The following SCAI variants were observed in gnomAD, a reference collection of about 807,000 sequenced individuals.
SCAI encodes the protein suppressor of cancer cell invasion.
SCAI carries 24 observed loss-of-function variants against 92.2 expected under a neutral mutation model. The ratio of observed to expected loss-of-function variants is 0.26; its 90% CI spans 0.19 to 0.37. The LOEUF is 0.37. Among genes scored for constraint, SCAI ranks in the 10% least tolerant of loss-of-function variants. The pLI is 1.00. For missense variants in SCAI, 450 were observed against 736.2 expected (o/e 0.61, Z 4.50); for synonymous variants, 261 against 258.6 (o/e 1.01, Z -0.09).
At chr9:125,047,830 T>C (rs1411067794) in intron 3 of SCAI, among the ~76,000 whole-genome samples, 1 of 152,232 alleles carries the variant, frequency 6.6e-6, no homozygotes, top group Non-Finnish European at 1.5e-5. Flanking sequence ...TCTCTATCGA[T>C]TTATGATGAA....
At chr9:125,132,564 C>T (rs1835425263) in intron 2 of SCAI, among the ~76,000 whole-genome samples, 1 of 152,122 alleles carries the variant, frequency 6.6e-6, no homozygotes, top group African/African-American at 2.4e-5. Context: ...TATTTTTAAC[C>T]GCCTGGTTAA....
At position 125,072,936 on chromosome 9, in the gene SCAI, CTGA is replaced by C. The variant is rs1054464511; in HGVS notation, c.99-16932_99-16930del. ...CATATTTTGCTTCTCCATTCATCCA[CTGA>C]TGGACACATGGGTTGCTGCCATGTT... is the stretch of plus-strand genomic sequence containing the variant. On this transcript the variant is annotated intron_variant, in intron 2 of 17. Coordinates refer to ENST00000336505, the MANE Select transcript of SCAI (RefSeq NM_001144877.3). 5.9e-5 allele frequency among the ~76,000 whole-genome samples: 9 copies of C among 152,158 alleles called. No homozygotes were observed. The South Asian group carries it at 1.7e-3, about 28-fold the overall frequency.
At chr9:125,035,423 A>C (rs1833174807) in intron 3 of SCAI, among the ~76,000 whole-genome samples, 2 of 152,280 alleles carry the variant, frequency 1.3e-5, no homozygotes, top group South Asian at 4.1e-4. Flanking sequence ...ACTAGTGGGA[A>C]TGAAAATTTA....
chr9:125,051,823 C>T lies in SCAI; in HGVS notation c.230+4053G>A, dbSNP rs375142596. On this transcript the variant is annotated intron_variant, in intron 3 of 17. Coordinates refer to ENST00000336505, the MANE Select transcript of SCAI (RefSeq NM_001144877.3). ...GTGGCTCATGCCTGTAATCCCAGAA[C>T]TTTGGGAGGCCAAGGCAGGCGGATC... is the stretch of plus-strand genomic sequence containing the variant. 1.1e-4 allele frequency among the ~76,000 whole-genome samples: 16 copies of T among 152,292 alleles called. No individual in the cohort carries two copies. The East Asian group carries it at 3.1e-3, about 29-fold the overall frequency.
At chr9:125,016,387 C>CAATAAATAAATAAATAAATA (rs77877356) in intron 9 of SCAI, among the ~76,000 whole-genome samples, 2 of 131,650 alleles carry the variant, frequency 1.5e-5, no homozygotes, top group Non-Finnish European at 3.2e-5. Flanking sequence ...GACTCTGTCT[C>CAATAAATAAATAAATAAATA]AATAAATAAA....
At position 125,084,158 on chromosome 9, in the gene SCAI, C is replaced by CTTTTTTTTTTTT. The variant is rs34786493; in HGVS notation, c.99-28163_99-28152dup. On this transcript the variant is annotated intron_variant, in intron 2 of 17. Coordinates refer to ENST00000336505, the MANE Select transcript of SCAI (RefSeq NM_001144877.3). ...ATATGAACAGGACTCTTGGCTGCTGCTTTTTTTTTTTTTTTTTTTTTTTTT... is the reference window on the plus strand; with the variant it reads ...ATATGAACAGGACTCTTGGCTGCTGCTTTTTTTTTTTTTTTTTTTTTTTTTTTTTTTTTTTTT... 8.4e-4 allele frequency among the ~76,000 whole-genome samples: 55 copies of CTTTTTTTTTTTT among 65,138 alleles called. 13 individuals are homozygous for CTTTTTTTTTTTT. Among genetic ancestry groups the CTTTTTTTTTTTT allele is most frequent in the African/African-American group, 1.0e-3 (16 of 15,266 alleles). The allele number at this position is 65,138 out of a possible 152,430, so 42.7% of individuals were successfully genotyped here.
At chr9:125,050,294 G>A (rs940684016) in intron 3 of SCAI, among the ~76,000 whole-genome samples, 9 of 152,076 alleles carry the variant, frequency 5.9e-5, no homozygotes, top group Admixed American at 5.2e-4. Context: ...GGCGCAGGGG[G>A]ATAGCAACCA....
At chr9:125,142,770 C>A (rs1369277569) in intron 1 of SCAI, 93 bp from the exon 2 acceptor site, 16 of 1,039,806 alleles carry the variant, frequency 1.5e-5, no homozygotes, top group Admixed American at 7.2e-5. Context: ...AAATAGACCA[C>A]CCTCTGGGAC....
At chr9:125,033,795 C>T (rs949067716) in intron 3 of SCAI, among the ~76,000 whole-genome samples, 4 of 152,124 alleles carry the variant, frequency 2.6e-5, no homozygotes, top group Admixed American at 6.5e-5. Context: ...AAGCAATACA[C>T]GATGGACTGA....
chr9:124,965,530 C>G (rs537728618), intron 17 of SCAI, among the ~76,000 whole-genome samples: 1 of 152,116 alleles, frequency 6.6e-6, no homozygotes. Flanking sequence ...CTACTGTGCC[C>G]GGCCTGTAAG....
chr9:125,141,847 G>T (rs984770947), intron 2 of SCAI, among the ~76,000 whole-genome samples: 10 of 152,074 alleles, frequency 6.6e-5, no homozygotes, highest in Non-Finnish European at 1.0e-4. Context: ...ATTCTCTTAG[G>T]GTTCTTTGAG....
At chr9:124,974,154 C>A (rs1437883746) in intron 15 of SCAI, 5 of 421,314 alleles carry the variant, frequency 1.2e-5, no homozygotes, top group Non-Finnish European at 2.3e-5. Flanking sequence ...ATAGTGCTAT[C>A]TCCAGTGCCC....
At chr9:124,986,162 G>A (rs148080667) in intron 14 of SCAI, among the ~76,000 whole-genome samples, 2,547 of 151,878 alleles carry the variant, frequency 0.017, 73 homozygotes, top group African/African-American at 0.059. Context: ...GTGGTGGCGG[G>A]CACCTGCAGT....
At chr9:124,976,565 C>T (rs952943963) in intron 14 of SCAI, among the ~76,000 whole-genome samples, 3 of 152,154 alleles carry the variant, frequency 2.0e-5, no homozygotes, top group Non-Finnish European at 4.4e-5. Flanking sequence ...GCTCCAAAAC[C>T]TGATTCCTGG....
chr9:125,119,263 G>A (rs1048089296), intron 2 of SCAI, among the ~76,000 whole-genome samples: 2 of 152,190 alleles, frequency 1.3e-5, no homozygotes, highest in Non-Finnish European at 2.9e-5. Flanking sequence ...TAGATCAACT[G>A]ATTTACAAAG....
intron 17 of SCAI, among the ~76,000 whole-genome samples, chr9:124,970,406 G>C (rs1047142539): frequency 6.6e-6 from 1 of 151,786 alleles, no homozygotes; most frequent in Admixed American, 6.6e-5. Context: ...AAACTACAAA[G>C]AAAAATGAAT....
intron 2 of SCAI, 26 bp from the exon 3 acceptor site, chr9:125,056,033 T>C (rs768578642): frequency 1.3e-5 from 20 of 1,554,620 alleles, no homozygotes; most frequent in South Asian, 2.4e-5. Flanking sequence ...TGTTCATTCA[T>C]GCAGGAGGTA....
At chr9:125,079,924 A>T (rs1289723599) in intron 2 of SCAI, among the ~76,000 whole-genome samples, 1 of 152,224 alleles carries the variant, frequency 6.6e-6, no homozygotes, top group Non-Finnish European at 1.5e-5. Context: ...AAAGCACATG[A>T]ATTACTCCTT....
rs34976572 is a variant in SCAI, at chr9:124,991,351, C to CAA, written c.1326+3581_1326+3582dup. ...TGGGTGACAGAGCAAAACTCCGTCT[C>CAA]AAAAAAAAAAAAAAAAAAAAAAAAA... On this transcript the variant is annotated intron_variant, in intron 14 of 17. Transcript: ENST00000336505. Among the ~76,000 whole-genome samples, 383 of 40,250 alleles carry CAA rather than the reference C, an allele frequency of 9.5e-3. 39 individuals carry two copies. Among genetic ancestry groups the CAA allele is most frequent in the East Asian group, 0.035 (35 of 996 alleles). 26.4% of individuals were successfully genotyped at this position (40,250 alleles called of 152,430 possible).
Sources: gnomAD v4.1 joint callset for allele counts (sites outside exome capture counted in the v4.1 genomes callset) on GRCh38, gnomAD v4.1.1 for gene constraint, MANE v1.5 for transcripts, NCBI Gene and HGNC (gene_info 2026-07-23, HGNC 2026-07-21) for gene names.